The following MICAL3 variants were observed in gnomAD, a reference collection of about 807,000 sequenced individuals.
MICAL3 encodes microtubule associated monooxygenase, calponin and LIM domain containing 3.
A neutral mutation model predicts 207.4 loss-of-function variants in MICAL3; 62 were observed. The observed-to-expected ratio is 0.30, with a 90% CI of 0.24 to 0.37. The LOEUF is 0.37. Ranked by LOEUF, MICAL3 falls within the 10% of genes least tolerant of loss-of-function variation. MICAL3 has a pLI of 1.00. For synonymous variants in MICAL3, 1,077 were observed against 1,069.3 expected (o/e 1.01, Z -0.14); for missense variants, 2,368 against 2,635.6 (o/e 0.90, Z 2.22).
At chr22:17,795,238 C>A (rs1480382906) in intron 29 of MICAL3, among the ~76,000 whole-genome samples, 1 of 152,220 alleles carries the variant, frequency 6.6e-6, no homozygotes, top group African/African-American at 2.4e-5. Flanking sequence ...CTTTCCTCAA[C>A]AATACACTCT....
chr22:18,020,846 G>A (rs1051808589), intron 1 of MICAL3, among the ~76,000 whole-genome samples: 7 of 151,574 alleles, frequency 4.6e-5, no homozygotes, highest in East Asian at 3.9e-4. Context: ...CCTGGGAAGC[G>A]GAGGCTGCAG....
Position 17,904,756 on chromosome 22 carries a change from C to T in MICAL3, c.348G>A (p.Glu116=), listed in dbSNP as rs757662833. 1 of 1,613,824 alleles carries T rather than the reference C, an allele frequency of 6.2e-7. No homozygotes were observed. Among genetic ancestry groups the T allele is most frequent in the African/African-American group, 1.3e-5 (1 of 74,920 alleles). ...SLLGAKVVVI[E]KRDAFSRNNV... The stretch of plus-strand genomic sequence containing the variant: ...TGTTGCGGGAGAAGGCATCTCGTTT[C>T]TCAATAACAACCACCTTGGCCCCCA... The change falls in exon 3 of 32, where the codon GAG becomes GAA. Residue 116 remains glutamate (E), a synonymous_variant. Transcript: ENST00000441493.
intron 8 of MICAL3, 28 bp downstream of exon 8, chr22:17,896,696 A>C: frequency 1.2e-6 from 2 of 1,606,954 alleles, no homozygotes; most frequent in Non-Finnish European, 1.7e-6. Context: ...TGCCCCTACC[A>C]CAGAGTGCTG....
In MICAL3 at chr22:17,871,861, C is replaced by A. The variant is rs775992283; in HGVS notation, c.2404G>T (p.Ala802Ser). The A allele has an allele frequency of 1.2e-6, 2 of 1,609,244 alleles. No individual in the cohort carries two copies. The highest frequency in any genetic ancestry group is 1.7e-6 in the Non-Finnish European group (2 of 1,178,032). ...EYCATTLRLS[A>S]YAYDIEDGKF... Reference sequence around the variant, plus strand: ...CCATCCTCGATGTCGTAGGCGTAGGCCGAGAGGCGCAGGGTGGTGGCGCAG... The same window carrying A: ...CCATCCTCGATGTCGTAGGCGTAGGACGAGAGGCGCAGGGTGGTGGCGCAG... Residue 802 changes from alanine to serine, a missense_variant, in exon 17 of 32, where the codon GCC becomes TCC. Physicochemically the swap from Ala to Ser is moderately conservative, Grantham distance 99. Coordinates refer to ENST00000441493, the MANE Select transcript of MICAL3 (RefSeq NM_015241.3).
At chr22:17,873,287 C>A (rs187769466) in intron 16 of MICAL3, among the ~76,000 whole-genome samples, 1 of 152,236 alleles carries the variant, frequency 6.6e-6, no homozygotes, top group Admixed American at 6.5e-5. Context: ...CTGCCTTTCA[C>A]GGTCCAGGAG....
At chr22:17,924,238 T>C (rs538172807) in intron 1 of MICAL3, among the ~76,000 whole-genome samples, 45 of 152,262 alleles carry the variant, frequency 3.0e-4, no homozygotes, top group African/African-American at 1.0e-3. Context: ...AAGGACACCG[T>C]CAGTCCTCTC....
At chr22:17,954,459 C>T (rs957485398) in intron 1 of MICAL3, among the ~76,000 whole-genome samples, 1 of 152,166 alleles carries the variant, frequency 6.6e-6, no homozygotes, top group Non-Finnish European at 1.5e-5. Context: ...GGTGATCAGA[C>T]ATCACCTGGG....
intron 1 of MICAL3, among the ~76,000 whole-genome samples, chr22:17,982,058 C>T (rs1935933396): frequency 1.3e-5 from 2 of 151,962 alleles, no homozygotes. Context: ...TGAGCCGAGA[C>T]TGCACCACTG....
intron 1 of MICAL3, among the ~76,000 whole-genome samples, chr22:18,001,891 A>G (rs1185482320): frequency 6.6e-6 from 1 of 152,216 alleles, no homozygotes; most frequent in Admixed American, 6.5e-5. Flanking sequence ...GAGAGAAGAG[A>G]GGATGTATTT....
chr22:18,010,938 C>G (rs996627038), intron 1 of MICAL3, among the ~76,000 whole-genome samples: 13 of 152,120 alleles, frequency 8.5e-5, no homozygotes, highest in Admixed American at 7.9e-4. Flanking sequence ...AAATAGCAGC[C>G]CTTCCCTGGC....
chr22:17,861,291 C>G (rs1443634948), intron 19 of MICAL3: 2 of 984,722 alleles, frequency 2.0e-6, no homozygotes, highest in South Asian at 9.4e-5. Flanking sequence ...TCATGGTTAT[C>G]GGGCAAGGAA....
intron 19 of MICAL3, among the ~76,000 whole-genome samples, chr22:17,851,994 C>A (rs898066869): frequency 3.3e-5 from 5 of 152,180 alleles, no homozygotes; most frequent in African/African-American, 1.2e-4. Context: ...ACTCCAGGCT[C>A]TATTCCAACC....
At chr22:17,884,128 C>A (rs1929660804) in intron 16 of MICAL3, 1 of 546,520 alleles carries the variant, frequency 1.8e-6, no homozygotes, top group Non-Finnish European at 3.2e-6. Context: ...TCAATGTTTT[C>A]CCAGAGCTAC....
intron 1 of MICAL3, among the ~76,000 whole-genome samples, chr22:17,998,998 A>C (rs568853488): frequency 6.6e-6 from 1 of 152,306 alleles, no homozygotes; most frequent in Non-Finnish European, 1.5e-5. Flanking sequence ...GGAGAAGGCA[A>C]ATGGCTGCTC....
intron 1 of MICAL3, among the ~76,000 whole-genome samples, chr22:17,909,502 G>A (rs561938525): frequency 6.6e-6 from 1 of 152,372 alleles, no homozygotes; most frequent in Non-Finnish European, 1.5e-5. Flanking sequence ...TCCAGCCTCA[G>A]CGACAGAGTG....
intron 5 of MICAL3, among the ~76,000 whole-genome samples, chr22:17,901,558 T>C (rs1339885647): frequency 6.6e-6 from 1 of 152,162 alleles, no homozygotes; most frequent in Admixed American, 6.5e-5. Flanking sequence ...TAGTCCCAGC[T>C]ACTCAGGAGG....
intron 1 of MICAL3, among the ~76,000 whole-genome samples, chr22:17,949,687 G>C (rs1934239130): frequency 6.6e-6 from 1 of 152,200 alleles, no homozygotes; most frequent in African/African-American, 2.4e-5. Context: ...AAATACCGTA[G>C]TGCCTGCTCA....
At chr22:17,974,817 G>T (rs947136452) in intron 1 of MICAL3, among the ~76,000 whole-genome samples, 5 of 151,310 alleles carry the variant, frequency 3.3e-5, no homozygotes, top group African/African-American at 1.2e-4. Context: ...ACTGTGTGAT[G>T]AGCACTACTG....
At chr22:18,016,416 T>G (rs2146511091) in intron 1 of MICAL3, among the ~76,000 whole-genome samples, 1 of 152,324 alleles carries the variant, frequency 6.6e-6, no homozygotes, top group South Asian at 2.1e-4. Context: ...AGTTATTCTT[T>G]TTCGTGTGCA....
Sources: gnomAD v4.1 joint callset for allele counts (sites outside exome capture counted in the v4.1 genomes callset) on GRCh38, gnomAD v4.1.1 for gene constraint, MANE v1.5 for transcripts, NCBI Gene and HGNC (gene_info 2026-07-23, HGNC 2026-07-21) for gene names.